Variants in ZNF331 observed in about 807,000 individuals in gnomAD.
ZNF331 encodes the protein zinc finger protein 331.
ZNF331 carries 2 observed loss-of-function variants against 7.0 expected under a neutral mutation model. The ratio of observed to expected loss-of-function variants is 0.29; its 90% CI spans 0.12 to 0.90. The LOEUF (loss-of-function observed/expected upper bound fraction) is 0.90, where lower values mean the gene tolerates loss of function less well. ZNF331 is among the 40% of genes least tolerant of loss of function. The pLI, the probability that ZNF331 is intolerant of heterozygous loss-of-function variation, is 0.58. For missense variants in ZNF331, 432 were observed against 587.7 expected, an observed-to-expected ratio of 0.74 and a Z score of 2.74; for synonymous variants, 196 against 205.4, an observed-to-expected ratio of 0.95 and a Z score of 0.39.
Position 53,560,492 on chromosome 19 carries a change from A to G in ZNF331, c.-74+4584A>G, listed in dbSNP as rs2089817888. The stretch of plus-strand genomic sequence containing the variant: ...AGGTTATGCCTGATTCAGTGACACT[A>G]CTTTTTCAATATTAGGCCTTATATC... On this transcript the variant is annotated intron_variant, in intron 3 of 5. Transcript: ENST00000449416. The surrounding 1 kb of genome is among the most constrained non-coding windows in gnomAD (Gnocchi z 4.3). Among the ~76,000 whole-genome samples the G allele has an allele frequency of 6.6e-6, 1 of 152,158 alleles. No individual in the cohort carries two copies. The highest frequency in any genetic ancestry group is 1.5e-5 in the Non-Finnish European group (1 of 68,024).
At chr19:53,513,824 G>T in the ZNF331 span, among the ~76,000 whole-genome samples, 1 of 152,128 alleles carries the variant, frequency 6.6e-6, no homozygotes, top group African/African-American at 2.4e-5. Context: ...TGGCCAGGCT[G>T]GTCTCAAACT....
intron 3 of ZNF331, among the ~76,000 whole-genome samples, chr19:53,559,586 C>G (rs1226168248): frequency 6.7e-6 from 1 of 149,550 alleles, no homozygotes; most frequent in East Asian, 2.0e-4. Flanking sequence ...CATATATACA[C>G]ATTCATACAT....
At chr19:53,559,210 A>G (rs2089650724) in intron 3 of ZNF331, among the ~76,000 whole-genome samples, 1 of 150,078 alleles carries the variant, frequency 6.7e-6, no homozygotes, top group African/African-American at 2.4e-5. Flanking sequence ...ACACACCTAC[A>G]TATAGAGACA....
Position 53,576,810 on chromosome 19 carries a change from A to G in ZNF331, c.250A>G (p.Ile84Val), listed in dbSNP as rs374635678. The G allele has an allele frequency of 1.2e-5, 20 of 1,614,058 alleles. No homozygotes were observed. In the Admixed American group the frequency reaches 1.5e-4, roughly 12 times the overall value. The change falls in exon 6 of 6, where the codon ATA becomes GTA. Residue 84 changes from isoleucine (I) to valine (V), a missense_variant. This residue lies in a region of ZNF331 where 81 missense variants were observed against 70.3 expected (regional missense o/e 1.15). Transcript: ENST00000449416. ...RRSKSLGRNW[I>V]CEGTLERPQR... ...AAGTAAATCCCTTGGCCGTAACTGGATATGTGAAGGTACGCTTGAAAGACC... is the reference window on the plus strand; with the variant it reads ...AAGTAAATCCCTTGGCCGTAACTGGGTATGTGAAGGTACGCTTGAAAGACC...
At chr19:53,538,098 G>A (rs1461687819), upstream of ZNF331, 7 of 152,192 alleles carry the variant, frequency 4.6e-5, no homozygotes, top group Non-Finnish European at 8.8e-5. Flanking sequence ...GGGTGCGCGT[G>A]CGCATGCGCG....
At chr19:53,516,769 G>A (rs2086914188), upstream of ZNF331, among the ~76,000 whole-genome samples, 1 of 152,146 alleles carries the variant, frequency 6.6e-6, no homozygotes, top group Non-Finnish European at 1.5e-5. Flanking sequence ...CAAAGTAGCT[G>A]CTGCTTTTTT....
intron 2 of ZNF331, among the ~76,000 whole-genome samples, chr19:53,527,870 T>C (rs1255689510): frequency 7.1e-6 from 1 of 141,690 alleles, no homozygotes; most frequent in Admixed American, 7.0e-5. Context: ...AGAAAGCCTT[T>C]CAGAATTAGA....
chr19:53,564,190 C>T (rs991830396), intron 3 of ZNF331, among the ~76,000 whole-genome samples: 2 of 150,482 alleles, frequency 1.3e-5, no homozygotes, highest in African/African-American at 2.4e-5. Flanking sequence ...TTGACTGCCT[C>T]TATTTCTGAC....
chr19:53,503,379 G>C, the ZNF331 span: 1 of 468,148 alleles, frequency 2.1e-6, no homozygotes, highest in Non-Finnish European at 3.9e-6. Context: ...AGCAGCCTGT[G>C]GGAACTGACA....
At chr19:53,564,031 C>CAA (rs57538972) in intron 3 of ZNF331, among the ~76,000 whole-genome samples, 117 of 75,410 alleles carry the variant, frequency 1.6e-3, no homozygotes, top group Non-Finnish European at 1.7e-3. Flanking sequence ...GACTTCATCT[C>CAA]AAAAAAAAAA....
chr19:53,524,861 T>A (rs908763437), intron 2 of ZNF331, among the ~76,000 whole-genome samples: 1 of 152,198 alleles, frequency 6.6e-6, no homozygotes, highest in Non-Finnish European at 1.5e-5. Context: ...CTGAATGGTA[T>A]TGCCTAGGTT....
At position 53,577,280 on chromosome 19, in the gene ZNF331, G is replaced by A; in HGVS notation, c.720G>A (p.Glu240=). Residue 240 remains glutamate (E), a synonymous_variant, in exon 6 of 6, where the codon GAG becomes GAA. Transcript: ENST00000449416. ...LTQHQRFHTG[E]KDYECKDCGK... ...AGCACCAGAGATTCCACACTGGGGA[G>A]AAAGACTACGAATGCAAAGACTGTG... is the stretch of plus-strand genomic sequence containing the variant. 1 of 1,614,012 alleles carries A rather than the reference G, an allele frequency of 6.2e-7. No individual in the cohort carries two copies. The highest frequency in any genetic ancestry group is 8.5e-7 in the Non-Finnish European group (1 of 1,180,004).
chr19:53,576,569 G>T, intron 5 of ZNF331, 128 bp from the exon 6 acceptor site: 1 of 753,802 alleles, frequency 1.3e-6, no homozygotes, highest in Non-Finnish European at 2.2e-6. Flanking sequence ...TTTAACAAGA[G>T]CCCTGGGTGA....
exon 1 of ZNF331, chr19:53,521,983 A>C (rs2087104584): frequency 6.6e-6 from 1 of 152,214 alleles, no homozygotes; most frequent in South Asian, 2.1e-4. Flanking sequence ...TTCACAAGTC[A>C]CGAGATGGCA....
exon 2 of ZNF331, chr19:53,522,655 AGT>A (rs1179096925): frequency 6.6e-6 from 1 of 152,194 alleles, no homozygotes. Context: ...AGGAAGAAGA[AGT>A]GTTATATGTC....
At chr19:53,557,601 C>A (rs966909488) in intron 3 of ZNF331, among the ~76,000 whole-genome samples, 15 of 152,158 alleles carry the variant, frequency 9.9e-5, no homozygotes, top group Admixed American at 9.2e-4. Context: ...GTATTGTGCT[C>A]AGGGTCAGTG....
At chr19:53,551,527 CCTT>C in intron 2 of ZNF331, among the ~76,000 whole-genome samples, 1 of 152,178 alleles carries the variant, frequency 6.6e-6, no homozygotes, top group South Asian at 2.1e-4. Flanking sequence ...TATATTTACA[CCTT>C]ATAGGAGTAG....
At chr19:53,507,393 AC>A in the ZNF331 span, among the ~76,000 whole-genome samples, 1 of 152,006 alleles carries the variant, frequency 6.6e-6, no homozygotes, top group Non-Finnish European at 1.5e-5. Flanking sequence ...ACTCTACAAA[AC>A]CCCCCGAAAG....
chr19:53,538,154 TGGGAG>T lies in ZNF331; in HGVS notation c.-346_-342del, dbSNP rs2087864911. On this transcript the variant is annotated 5_prime_UTR_variant, in exon 1 of 6. Transcript: ENST00000449416. ...GGACCGAGTGTGTGACGCACTTGCG[TGGGAG>T]TACGAGGCTGACGCGGCGGCCCTGT... is the stretch of plus-strand genomic sequence containing the variant. 6.6e-6 allele frequency: 1 copy of T among 151,684 alleles called. No homozygotes were observed. Among genetic ancestry groups the T allele is most frequent in the Non-Finnish European group, 1.5e-5 (1 of 67,906 alleles). 9.4% of individuals were successfully genotyped at this position (151,684 alleles called of 1,614,324 possible). A position where few individuals can be genotyped will look rare whatever the true frequency, so the allele number is the denominator to read the frequency against.
Sources: gnomAD v4.1 joint callset for allele counts (sites outside exome capture counted in the v4.1 genomes callset) on GRCh38, gnomAD v4.1.1 for gene constraint, gnomAD v4.1.1 regional missense constraint, Gnocchi (gnomAD v3.1) non-coding constraint, MANE v1.5 for transcripts, NCBI Gene and HGNC (gene_info 2026-07-23, HGNC 2026-07-21) for gene names.